Variants in SEC23B observed in about 807,000 individuals in gnomAD.
SEC23B encodes the protein SEC23 homolog B, COPII component, also known as protein transport protein Sec23B.
In SEC23B, 77 loss-of-function variants were observed where a neutral mutation model predicts 104.3. The ratio of observed to expected loss-of-function variants is 0.74; its 90% CI spans 0.61 to 0.89. The LOEUF is 0.89. SEC23B is among the 40% of genes least tolerant of loss of function. The pLI is 0.00. For synonymous variants in SEC23B, 338 were observed against 332.5 expected, an observed-to-expected ratio of 1.02 and a Z score of -0.18; for missense variants, 885 against 949.4, an observed-to-expected ratio of 0.93 and a Z score of 0.89.
chr20:18,555,556 C>T (rs1251513736), intron 19 of SEC23B, among the ~76,000 whole-genome samples: 3 of 152,068 alleles, frequency 2.0e-5, no homozygotes, highest in Non-Finnish European at 2.9e-5. Context: ...CAGCCTAATT[C>T]CTTCCCTTTT....
intron 11 of SEC23B, among the ~76,000 whole-genome samples, chr20:18,533,811 A>G (rs567357525): frequency 6.6e-6 from 1 of 152,236 alleles, no homozygotes; most frequent in East Asian, 1.9e-4. Flanking sequence ...AGGGGCTTGT[A>G]CCCCTATTTC....
intron 19 of SEC23B, among the ~76,000 whole-genome samples, chr20:18,559,971 T>A (rs988063168): frequency 6.6e-6 from 1 of 152,168 alleles, no homozygotes; most frequent in Non-Finnish European, 1.5e-5. Flanking sequence ...CTTTTCTAAT[T>A]ATAACAGTAT....
chr20:18,539,544 T>G (rs2060269229), intron 12 of SEC23B, among the ~76,000 whole-genome samples: 1 of 150,806 alleles, frequency 6.6e-6, no homozygotes, highest in Non-Finnish European at 1.5e-5. Context: ...GGGGTCTCTC[T>G]TTGTTGCCCA....
chr20:18,542,318 G>C lies in SEC23B; in HGVS notation c.1427G>C (p.Gly476Ala), dbSNP rs2060294950. 1 of 1,614,048 alleles carries C rather than the reference G, an allele frequency of 6.2e-7. No individual in the cohort carries two copies. The change falls in exon 13 of 20, where the codon GGA becomes GCA. Residue 476 changes from glycine to alanine, a missense_variant. Gly to Ala is a moderately conservative substitution (Grantham distance 60, BLOSUM62 0). Transcript: ENST00000650089. The part of the protein sequence containing the change: ...VNQHNTPIPQ[G>A]GRGAIQFVTH... ...CAGCACAACACCCCGATCCCCCAAG[G>C]AGGCAGAGGAGCCATCCAGTTTGTC...
rs2060357188 is a variant in SEC23B at position 18,548,665 on chromosome 20, T to G, written c.1800T>G (p.Asp600Glu). Residue 600 changes from aspartate to glutamate, a missense_variant, in exon 16 of 20, where the codon GAT becomes GAG. By Grantham distance (45) the Asp-to-Glu change is conservative (BLOSUM62 2). Coordinates refer to ENST00000650089, the MANE Select transcript of SEC23B (RefSeq NM_006363.6). Reference sequence around the variant, plus strand: ...TTCAAGTGTTTAACAACAGTCCTGATGAGTCGTCATATTACAGACATCATT... The same window carrying G: ...TTCAAGTGTTTAACAACAGTCCTGAGGAGTCGTCATATTACAGACATCATT... ...PFLQVFNNSP[D>E]ESSYYRHHFA... The G allele has an allele frequency of 1.2e-6, 2 of 1,614,140 alleles. No homozygotes were observed. Among genetic ancestry groups the G allele is most frequent in the Non-Finnish European group, 1.7e-6 (2 of 1,179,952 alleles).
intron 15 of SEC23B, 152 bp from the exon 16 acceptor site, chr20:18,548,457 C>A: frequency 1.4e-6 from 1 of 725,546 alleles, no homozygotes; most frequent in South Asian, 1.7e-5. Context: ...CTTTCCCTAG[C>A]CCCTGGTGCC....
chr20:18,556,952 C>T (rs6035073), intron 19 of SEC23B, among the ~76,000 whole-genome samples: 19,505 of 152,200 alleles, frequency 0.13, 1,350 homozygotes, highest in Admixed American at 0.18. Context: ...GCTGAGATCA[C>T]GCCACTGCAC....
At chr20:18,511,236 C>G (rs543424898) in intron 2 of SEC23B, among the ~76,000 whole-genome samples, 180 bp downstream of exon 2, 1 of 152,192 alleles carries the variant, frequency 6.6e-6, no homozygotes, top group East Asian at 1.9e-4. Flanking sequence ...TAGAAATCTC[C>G]CTGGCCTGAT....
Position 18,539,333 on chromosome 20 carries a change from A to G in SEC23B, c.1405-2963A>G, listed in dbSNP as rs549226080. On this transcript the variant is annotated intron_variant, in intron 12 of 19. Coordinates refer to ENST00000650089, the MANE Select transcript of SEC23B (RefSeq NM_006363.6). ...ATCCTGGCTAACATGGTGAAACCCC[A>G]TCTCTACTAAAAATACAAAAAACAA... Among the ~76,000 whole-genome samples the G allele has an allele frequency of 3.3e-5, 5 of 151,482 alleles. No homozygotes were observed. In the East Asian group the frequency reaches 1.0e-3, roughly 30 times the overall value.
chr20:18,512,682 G>A (rs375831593), intron 3 of SEC23B, among the ~76,000 whole-genome samples: 1 of 152,144 alleles, frequency 6.6e-6, no homozygotes, highest in East Asian at 1.9e-4. Flanking sequence ...TCAGTGTTGA[G>A]CTTCTTTTGA....
intron 12 of SEC23B, among the ~76,000 whole-genome samples, chr20:18,538,797 A>C (rs1296343633): frequency 1.3e-5 from 2 of 152,168 alleles, no homozygotes; most frequent in Non-Finnish European, 2.9e-5. Flanking sequence ...ATTCCATCTC[A>C]ACAAATGACT....
intron 15 of SEC23B, among the ~76,000 whole-genome samples, chr20:18,547,025 AC>A (rs1157964527): frequency 6.8e-6 from 1 of 147,652 alleles, no homozygotes; most frequent in African/African-American, 2.5e-5. Flanking sequence ...CCTGTGTACC[AC>A]CCCCACACTG....
chr20:18,533,553 C>T (rs752657049), intron 11 of SEC23B, among the ~76,000 whole-genome samples: 39 of 152,332 alleles, frequency 2.6e-4, no homozygotes, highest in African/African-American at 9.4e-4. Context: ...AGTGCCCACT[C>T]TACAGCATTG....
At position 18,552,521 on chromosome 20, in the gene SEC23B, T is replaced by C. The variant is rs1035277604; in HGVS notation, c.1992+1346T>C. On this transcript the variant is annotated intron_variant, in intron 17 of 19. Coordinates refer to ENST00000650089, the MANE Select transcript of SEC23B (RefSeq NM_006363.6). ...ATAATAAAAAATAATACAAATAAAATATACAGCACAGGCCGGGTGTGGTAG... is the reference window on the plus strand; with the variant it reads ...ATAATAAAAAATAATACAAATAAAACATACAGCACAGGCCGGGTGTGGTAG... Among the ~76,000 whole-genome samples the C allele has an allele frequency of 2.0e-5, 3 of 152,118 alleles. No homozygotes were observed. In the East Asian group the frequency reaches 5.8e-4, roughly 29 times the overall value.
At chr20:18,516,116 A>G in intron 4 of SEC23B, 1 of 237,910 alleles carries the variant, frequency 4.2e-6, no homozygotes, top group South Asian at 5.2e-5. Flanking sequence ...TCCAGAATCC[A>G]CCCACTTCCC....
Position 18,551,072 on chromosome 20 carries a change from T to G in SEC23B, c.1906-17T>G, listed in dbSNP as rs764412866. 1.3e-6 allele frequency: 2 copies of G among 1,559,734 alleles called. No homozygotes were observed. The highest frequency in any genetic ancestry group is 1.7e-5 in the Admixed American group (1 of 59,942). On this transcript the variant is annotated splice_polypyrimidine_tract_variant and intron_variant, in intron 16 of 19. Transcript: ENST00000650089. ...GCAGGGAAGACCAATGCCATCTTTC[T>G]CTCTCTTTTTCTTCAGCCAGTACTC... is the stretch of plus-strand genomic sequence containing the variant.
chr20:18,508,593 G>A (rs2059952843), intron 1 of SEC23B, among the ~76,000 whole-genome samples: 1 of 152,132 alleles, frequency 6.6e-6, no homozygotes, highest in South Asian at 2.1e-4. Context: ...AGTCCCCTTG[G>A]ATTATGTGTC....
intron 3 of SEC23B, among the ~76,000 whole-genome samples, 162 bp downstream of exon 3, chr20:18,512,444 G>A (rs1246882459): frequency 6.6e-6 from 1 of 152,150 alleles, no homozygotes; most frequent in Non-Finnish European, 1.5e-5. Context: ...GAACATTTGT[G>A]GTTTATTCTG....
intron 4 of SEC23B, among the ~76,000 whole-genome samples, chr20:18,521,553 T>C (rs1291728130): frequency 6.6e-6 from 1 of 152,144 alleles, no homozygotes; most frequent in African/African-American, 2.4e-5. Flanking sequence ...GAGGAAATTG[T>C]TGGGCAAGTG....
Sources: gnomAD v4.1 joint callset for allele counts (sites outside exome capture counted in the v4.1 genomes callset) on GRCh38, gnomAD v4.1.1 for gene constraint, MANE v1.5 for transcripts, NCBI Gene and HGNC (gene_info 2026-07-23, HGNC 2026-07-21) for gene names.